Variants in IMMP2L observed in about 807,000 individuals in gnomAD.
IMMP2L encodes the protein mitochondrial inner membrane protease subunit 2.
In IMMP2L, 18 loss-of-function variants were observed where a neutral mutation model predicts 19.3. The observed-to-expected ratio is 0.93, with a 90% CI of 0.64 to 1.38. The LOEUF (loss-of-function observed/expected upper bound fraction) is 1.38, where lower values mean the gene tolerates loss of function less well. Among genes scored for constraint, IMMP2L ranks in the 40% most tolerant of loss-of-function variants. The pLI is 0.00. For missense variants in IMMP2L, 233 were observed against 218.2 expected (o/e 1.07, Z -0.43); for synonymous variants, 76 against 73.0 (o/e 1.04, Z -0.21).
chr7:110,720,929 G>T (rs1795524540), intron 5 of IMMP2L, among the ~76,000 whole-genome samples: 1 of 152,080 alleles, frequency 6.6e-6, no homozygotes, highest in South Asian at 2.1e-4. Flanking sequence ...AGCAACTGCA[G>T]TACCAAGTGG....
intron 3 of IMMP2L, among the ~76,000 whole-genome samples, chr7:111,117,757 C>T (rs1404031817): frequency 6.6e-6 from 1 of 152,018 alleles, no homozygotes; most frequent in Non-Finnish European, 1.5e-5. Flanking sequence ...TACAAATGAA[C>T]TTAGCCAGCA....
At chr7:110,687,167 C>T (rs778845928) in intron 5 of IMMP2L, among the ~76,000 whole-genome samples, 11 of 151,920 alleles carry the variant, frequency 7.2e-5, no homozygotes, top group Non-Finnish European at 1.2e-4. Context: ...TAACATTTTG[C>T]CCCCTATTCC....
intron 5 of IMMP2L, among the ~76,000 whole-genome samples, chr7:110,822,691 A>G (rs1400609975): frequency 1.3e-5 from 2 of 152,172 alleles, no homozygotes; most frequent in Non-Finnish European, 2.9e-5. Context: ...TCCTTAAAAA[A>G]GACACACACT....
At chr7:110,935,814 G>A (rs527432574) in intron 4 of IMMP2L, among the ~76,000 whole-genome samples, 38 of 152,266 alleles carry the variant, frequency 2.5e-4, no homozygotes, top group African/African-American at 9.1e-4. Flanking sequence ...CAAGGCTACA[G>A]TAACCAAAAC....
intron 5 of IMMP2L, among the ~76,000 whole-genome samples, chr7:110,835,336 A>C (rs1362351423): frequency 6.6e-6 from 1 of 152,152 alleles, no homozygotes; most frequent in Non-Finnish European, 1.5e-5. Context: ...ATCTGAGGCC[A>C]AAGGTCTGAT....
intron 4 of IMMP2L, among the ~76,000 whole-genome samples, chr7:110,918,412 T>C (rs192340162): frequency 2.4e-4 from 37 of 151,786 alleles, no homozygotes; most frequent in African/African-American, 8.7e-4. Context: ...GTGTGAGCTA[T>C]AAAAATACCA....
chr7:111,118,118 A>C (rs1261658810), intron 3 of IMMP2L, among the ~76,000 whole-genome samples: 1 of 152,148 alleles, frequency 6.6e-6, no homozygotes, highest in Non-Finnish European at 1.5e-5. Context: ...AGCATTGCAC[A>C]CATTTTTATT....
chr7:111,011,724 A>G (rs909405666), intron 3 of IMMP2L, among the ~76,000 whole-genome samples: 4 of 152,192 alleles, frequency 2.6e-5, no homozygotes, highest in Non-Finnish European at 5.9e-5. Flanking sequence ...TGTTTTCTCT[A>G]TATGAGTGAA....
intron 3 of IMMP2L, among the ~76,000 whole-genome samples, chr7:111,166,585 T>C (rs1035972045): frequency 2.6e-5 from 4 of 151,954 alleles, no homozygotes; most frequent in Non-Finnish European, 5.9e-5. Flanking sequence ...ACACATACTG[T>C]ATTAGTTTCC....
chr7:110,877,919 A>G lies in IMMP2L; in HGVS notation c.408+8674T>C, dbSNP rs569099628. Among the ~76,000 whole-genome samples the G allele has an allele frequency of 1.3e-5, 2 of 152,280 alleles. No individual in the cohort carries two copies. Among genetic ancestry groups the G allele is most frequent in the Admixed American group, 1.3e-4 (2 of 15,268 alleles). On this transcript the variant is annotated intron_variant, in intron 5 of 5. Coordinates refer to ENST00000405709, the MANE Select transcript of IMMP2L (RefSeq NM_032549.4). The surrounding 1 kb of genome is among the most constrained non-coding windows in gnomAD (Gnocchi z 4.0). Reference sequence around the variant, plus strand: ...TTTATACTCTAAAAATAAAAAACAAAAAACAAAAAGCACAATGGATTGATT... The same window carrying G: ...TTTATACTCTAAAAATAAAAAACAAGAAACAAAAAGCACAATGGATTGATT...
At chr7:111,467,909 T>C (rs973625404) in intron 3 of IMMP2L, among the ~76,000 whole-genome samples, 1 of 152,142 alleles carries the variant, frequency 6.6e-6, no homozygotes, top group African/African-American at 2.4e-5. Flanking sequence ...GGGAAACCTG[T>C]TGTCAGCTAA....
intron 3 of IMMP2L, among the ~76,000 whole-genome samples, chr7:111,056,237 T>C (rs955714107): frequency 3.3e-5 from 5 of 152,208 alleles, no homozygotes; most frequent in Non-Finnish European, 4.4e-5. Context: ...ATTTATAACA[T>C]AATCAGTTCC....
chr7:111,316,131 G>A (rs144882126), intron 3 of IMMP2L, among the ~76,000 whole-genome samples: 76 of 152,150 alleles, frequency 5.0e-4, no homozygotes, highest in African/African-American at 1.6e-3. Context: ...GTAAAAACAT[G>A]GTATTATCCT....
chr7:111,027,814 C>T (rs943487310), intron 3 of IMMP2L, among the ~76,000 whole-genome samples: 1 of 152,046 alleles, frequency 6.6e-6, no homozygotes, highest in Non-Finnish European at 1.5e-5. Context: ...GAAATCTCAA[C>T]TTTACATTTC....
In IMMP2L at chr7:111,241,660, T is replaced by C. The variant is rs141322484; in HGVS notation, c.239+245578A>G. ...GTTAAGTACCAAGGGTCTAGCCAAA[T>C]GTATATTGTGCTGTAACTTTTATAC... is the stretch of plus-strand genomic sequence containing the variant. On this transcript the variant is annotated intron_variant, in intron 3 of 5. Coordinates refer to ENST00000405709, the MANE Select transcript of IMMP2L (RefSeq NM_032549.4). Among the ~76,000 whole-genome samples the C allele has an allele frequency of 1.8e-3, 269 of 151,740 alleles. 2 individuals are homozygous for C. The highest frequency in any genetic ancestry group is 6.2e-3 in the African/African-American group (255 of 41,438).
intron 3 of IMMP2L, among the ~76,000 whole-genome samples, chr7:111,137,950 G>A (rs571702175): frequency 6.6e-6 from 1 of 152,208 alleles, no homozygotes; most frequent in South Asian, 2.1e-4. Flanking sequence ...TCAGCTTCCT[G>A]AGGAGCTGGG....
intron 3 of IMMP2L, among the ~76,000 whole-genome samples, chr7:111,334,774 T>C (rs756566624): frequency 2.0e-4 from 31 of 152,074 alleles, no homozygotes; most frequent in Non-Finnish European, 3.5e-4. Context: ...TGTAAGATAA[T>C]ACCAGACTAC....
At chr7:111,098,427 C>T (rs1797624653) in intron 3 of IMMP2L, among the ~76,000 whole-genome samples, 1 of 151,654 alleles carries the variant, frequency 6.6e-6, no homozygotes, top group Non-Finnish European at 1.5e-5. Context: ...TATATTTAGG[C>T]TATAAATTAT....
intron 3 of IMMP2L, among the ~76,000 whole-genome samples, chr7:111,355,063 G>C (rs945864203): frequency 1.4e-4 from 21 of 151,912 alleles, no homozygotes; most frequent in African/African-American, 5.1e-4. Context: ...TTTTTCCCAA[G>C]GTAATCTTTA....
Sources: gnomAD v4.1 joint callset for allele counts (sites outside exome capture counted in the v4.1 genomes callset) on GRCh38, gnomAD v4.1.1 for gene constraint, Gnocchi (gnomAD v3.1) non-coding constraint, MANE v1.5 for transcripts, NCBI Gene and HGNC (gene_info 2026-07-23, HGNC 2026-07-21) for gene names.